The following LIMD1 variants were observed in gnomAD, a reference collection of about 807,000 sequenced individuals.
LIMD1 encodes the protein LIM domain-containing protein 1.
In LIMD1, 23 loss-of-function variants were observed where a neutral mutation model predicts 58.4. The observed-to-expected ratio is 0.39, with a 90% CI of 0.28 to 0.56. The LOEUF is 0.56. Ranked by LOEUF, LIMD1 falls within the 20% of genes least tolerant of loss-of-function variation. LIMD1 has a pLI of 0.57. For synonymous variants in LIMD1, 334 were observed against 345.5 expected, an observed-to-expected ratio of 0.97 and a Z score of 0.37; for missense variants, 838 against 855.5, an observed-to-expected ratio of 0.98 and a Z score of 0.25.
chr3:45,609,104 T>C (rs1415007080), intron 1 of LIMD1, among the ~76,000 whole-genome samples: 1 of 152,228 alleles, frequency 6.6e-6, no homozygotes, highest in Non-Finnish European at 1.5e-5. Flanking sequence ...CCATAACTTG[T>C]GCCTGGTAGT....
At chr3:45,660,530 C>T (rs1207501788) in intron 2 of LIMD1, among the ~76,000 whole-genome samples, 1 of 151,658 alleles carries the variant, frequency 6.6e-6, no homozygotes, top group Non-Finnish European at 1.5e-5. Context: ...ATTCTCCTAC[C>T]GCGGCCTCCC....
Position 45,594,795 on chromosome 3 carries a change from A to ACACACACACACACACACACACAC in LIMD1, c.-84_-62dup, listed in dbSNP as rs1559510548. ...CTGCCCTCAACACACACACACACAC[A>ACACACACACACACACACACACAC]CACACACACACACACACACACACAC... is the stretch of plus-strand genomic sequence containing the variant. On this transcript the variant is annotated 5_prime_UTR_variant, in exon 1 of 8. Coordinates refer to ENST00000273317, the MANE Select transcript of LIMD1 (RefSeq NM_014240.3). The ACACACACACACACACACACACAC allele has an allele frequency of 4.4e-3, 492 of 112,934 alleles. 5 individuals are homozygous for ACACACACACACACACACACACAC. The East Asian group carries it at 0.13, about 30-fold the overall frequency. 7.0% of individuals were successfully genotyped at this position (112,934 alleles called of 1,614,324 possible).
intron 1 of LIMD1, among the ~76,000 whole-genome samples, chr3:45,629,581 C>T (rs1701706198): frequency 6.6e-6 from 1 of 152,024 alleles, no homozygotes; most frequent in Admixed American, 6.6e-5. Flanking sequence ...TTGCATTTTC[C>T]AAAACCACCC....
chr3:45,620,117 C>T (rs1195181066), intron 1 of LIMD1, among the ~76,000 whole-genome samples: 2 of 152,016 alleles, frequency 1.3e-5, no homozygotes, highest in Admixed American at 1.3e-4. Context: ...ACTACTCAGC[C>T]TGCATGATGG....
intron 1 of LIMD1, among the ~76,000 whole-genome samples, chr3:45,607,787 T>A (rs376260070): frequency 6.6e-6 from 1 of 152,188 alleles, no homozygotes; most frequent in East Asian, 1.9e-4. Flanking sequence ...AGGAGCAGAT[T>A]TGCTTTTTGT....
At chr3:45,601,256 G>A (rs992461410) in intron 1 of LIMD1, among the ~76,000 whole-genome samples, 1 of 152,278 alleles carries the variant, frequency 6.6e-6, no homozygotes, top group Non-Finnish European at 1.5e-5. Context: ...ACCTGACCCC[G>A]CAGGGAGCCT....
At chr3:45,605,131 A>T (rs1230933126) in intron 1 of LIMD1, among the ~76,000 whole-genome samples, 2 of 152,238 alleles carry the variant, frequency 1.3e-5, no homozygotes, top group African/African-American at 4.8e-5. Flanking sequence ...CTCTAGCTCT[A>T]TTGAGCCAAG....
chr3:45,654,812 CAAA>C (rs1227980901), intron 2 of LIMD1, among the ~76,000 whole-genome samples: 3 of 56,508 alleles, frequency 5.3e-5, no homozygotes, highest in Admixed American at 3.9e-4. Context: ...GACCCTGTCT[CAAA>C]AAAAAAAAAA....
intron 7 of LIMD1, 31 bp from the exon 8 acceptor site, chr3:45,676,891 G>A (rs1697678991): frequency 1.9e-6 from 3 of 1,612,330 alleles, no homozygotes; most frequent in Non-Finnish European, 2.5e-6. Flanking sequence ...GTTTTGTTTT[G>A]CTTCCCCTGG....
intron 3 of LIMD1, 28 bp downstream of exon 3, chr3:45,665,745 G>T: frequency 6.2e-7 from 1 of 1,604,684 alleles, no homozygotes; most frequent in Non-Finnish European, 8.5e-7. Context: ...GCCTCCCCTT[G>T]CATGTCCTGG....
Position 45,668,322 on chromosome 3 carries a change from G to C in LIMD1, c.1607G>C (p.Arg536Thr), listed in dbSNP as rs2125669491. 1 of 1,613,074 alleles carries C rather than the reference G, an allele frequency of 6.2e-7. No homozygotes were observed. Among genetic ancestry groups the C allele is most frequent in the East Asian group, 2.2e-5 (1 of 44,874 alleles). ...TCTGGTTTCCAGCAGTCGGCTGACA[G>C]GTGTTTTCTTTGTGGACATCTGATC... ...LYSGFQQSAD[R>T]CFLCGHLIMD... Residue 536 changes from arginine to threonine, a missense_variant, in exon 4 of 8, where the codon AGG becomes ACG. Around this residue, in one of 3 missense-constraint regions of LIMD1, gnomAD observed 174 missense variants for 197.4 expected, o/e 0.88. Coordinates refer to ENST00000273317, the MANE Select transcript of LIMD1 (RefSeq NM_014240.3).
At chr3:45,675,862 C>T (rs1207596165) in intron 7 of LIMD1, among the ~76,000 whole-genome samples, 2 of 152,088 alleles carry the variant, frequency 1.3e-5, no homozygotes, top group Non-Finnish European at 2.9e-5. Flanking sequence ...CAAAAATTAG[C>T]CAGGCATGCT....
At chr3:45,656,542 G>A (rs1702029613) in intron 2 of LIMD1, among the ~76,000 whole-genome samples, 2 of 149,546 alleles carry the variant, frequency 1.3e-5, no homozygotes, top group African/African-American at 2.5e-5. Context: ...TTTTTGAGAC[G>A]GAGTCTCACT....
chr3:45,665,465 G>A (rs561682121), intron 2 of LIMD1, among the ~76,000 whole-genome samples, 185 bp from the exon 3 acceptor site: 10 of 152,224 alleles, frequency 6.6e-5, no homozygotes, highest in Non-Finnish European at 1.0e-4. Context: ...CCTTCCTCCC[G>A]GCCTCAGCCT....
chr3:45,603,668 T>G (rs568616877), intron 1 of LIMD1, among the ~76,000 whole-genome samples: 7 of 152,294 alleles, frequency 4.6e-5, no homozygotes, highest in Admixed American at 1.3e-4. Flanking sequence ...GCAGTCTCTG[T>G]GCATTCTTTT....
rs1215773235 is a variant in LIMD1, at chr3:45,595,858, T to G, written c.979T>G (p.Ser327Ala). The change falls in exon 1 of 8, where the codon TCC becomes GCC. Residue 327 changes from serine (S) to alanine (A), a missense_variant. Physicochemically the swap from Ser to Ala is moderately conservative, Grantham distance 99. Transcript: ENST00000273317. The stretch of plus-strand genomic sequence containing the variant: ...GGGGGGTGAGGTTTCAGGTGTGATG[T>G]CCAAACCCAATGTGGACCCCCAACC... ...GLGGEVSGVMSKPNVDPQPWF... is the reference protein window; with the variant it reads ...GLGGEVSGVMAKPNVDPQPWF... 2.5e-6 allele frequency: 4 copies of G among 1,614,118 alleles called. No individual in the cohort carries two copies. In the East Asian group the frequency reaches 8.9e-5, roughly 36 times the overall value.
rs1701324612 is a variant in LIMD1, at chr3:45,594,859, G to GC, written c.-18dup. Reference sequence around the variant, plus strand: ...CACACACACACGGCACCTGGGCTAGGCCCGGACACCTGTCTGCAGCATGGA... The same window carrying GC: ...CACACACACACGGCACCTGGGCTAGGCCCCGGACACCTGTCTGCAGCATGGA... On this transcript the variant is annotated 5_prime_UTR_variant, in exon 1 of 8. Transcript: ENST00000273317. 1 of 1,512,090 alleles carries GC rather than the reference G, an allele frequency of 6.6e-7. No homozygotes were observed. The highest frequency in any genetic ancestry group is 8.9e-7 in the Non-Finnish European group (1 of 1,123,152). 93.7% of individuals were successfully genotyped at this position (1,512,090 alleles called of 1,614,324 possible).
At chr3:45,634,274 T>A (rs1701764885) in intron 1 of LIMD1, among the ~76,000 whole-genome samples, 1 of 152,236 alleles carries the variant, frequency 6.6e-6, no homozygotes, top group African/African-American at 2.4e-5. Context: ...TTTCATCTTG[T>A]GCATTGTTTA....
Position 45,682,903 on chromosome 3 carries a change from A to G in LIMD1, c.*5844A>G, listed in dbSNP as rs1411701085. 1 of 152,324 alleles carries G rather than the reference A, an allele frequency of 6.6e-6. No individual in the cohort carries two copies. The highest frequency in any genetic ancestry group is 1.5e-5 in the Non-Finnish European group (1 of 68,126). The allele number at this position is 152,324 out of a possible 1,614,324, so 9.4% of individuals were successfully genotyped here. A position where few individuals can be genotyped will look rare whatever the true frequency, so the allele number is the denominator to read the frequency against. On this transcript the variant is annotated 3_prime_UTR_variant, in exon 8 of 8. Coordinates refer to ENST00000273317, the MANE Select transcript of LIMD1 (RefSeq NM_014240.3). Reference sequence around the variant, plus strand: ...ACCTCAGTGGCTTAAAACAACACAAATATATCATTCTGTCATCCTGGACAC... The same window carrying G: ...ACCTCAGTGGCTTAAAACAACACAAGTATATCATTCTGTCATCCTGGACAC...
Sources: allele counts gnomAD v4.1 joint callset (sites outside exome capture counted in the v4.1 genomes callset), GRCh38; gene constraint gnomAD v4.1.1; regional missense constraint gnomAD v4.1.1; transcripts MANE v1.5; gene names NCBI Gene and HGNC (gene_info 2026-07-23, HGNC 2026-07-21).